The following CD226 variants were observed in gnomAD, a reference collection of about 807,000 sequenced individuals.
The protein encoded by CD226 is CD226 molecule, also known as CD226 antigen.
CD226 carries 24 observed loss-of-function variants against 34.9 expected under a neutral mutation model. That is an observed-to-expected ratio of 0.69 (90% CI 0.50 to 0.97). The LOEUF is 0.97. Among genes scored for constraint, CD226 ranks in the 50% least tolerant of loss-of-function variants. The pLI, the probability that CD226 is intolerant of heterozygous loss-of-function variation, is 0.00. For missense variants in CD226, 397 were observed against 412.7 expected, an observed-to-expected ratio of 0.96 and a Z score of 0.33; for synonymous variants, 148 against 147.4, an observed-to-expected ratio of 1.00 and a Z score of -0.03.
intron 3 of CD226, among the ~76,000 whole-genome samples, chr18:69,889,000 T>C (rs1984726531): frequency 6.6e-6 from 1 of 152,072 alleles, no homozygotes; most frequent in Non-Finnish European, 1.5e-5. Context: ...TACTAGGGCT[T>C]ACAAAACAAA....
At chr18:69,876,690 G>A (rs1329877635) in intron 3 of CD226, among the ~76,000 whole-genome samples, 2 of 152,078 alleles carry the variant, frequency 1.3e-5, no homozygotes, top group Non-Finnish European at 2.9e-5. Context: ...TTCCCCCACA[G>A]TAACAGGCAC....
Position 69,947,013 on chromosome 18 carries a change from G to A in CD226, c.103C>T (p.Leu35=). The A allele has an allele frequency of 5.6e-6, 9 of 1,614,140 alleles. No homozygotes were observed. Among genetic ancestry groups the A allele is most frequent in the Non-Finnish European group, 7.6e-6 (9 of 1,180,022 alleles). ...CCCATTGATGGATACACACATTCTA[G>A]AGACATGTTCTCGGCAAAGGGAACT... ...TSVPFAENMS[L]ECVYPSMGIL... Residue 35 remains leucine (L), a synonymous_variant, in exon 2 of 6, where the codon CTA becomes TTA. Coordinates refer to ENST00000582621, the MANE Select transcript of CD226 (RefSeq NM_001303618.2).
chr18:69,934,950 A>T (rs528463920), intron 2 of CD226, among the ~76,000 whole-genome samples: 2 of 152,206 alleles, frequency 1.3e-5, no homozygotes, highest in South Asian at 4.1e-4. Context: ...TCTCCACGGA[A>T]AGAAAAAGCC....
intron 3 of CD226, among the ~76,000 whole-genome samples, chr18:69,880,279 G>A (rs1425544737): frequency 3.5e-5 from 5 of 142,022 alleles, no homozygotes; most frequent in African/African-American, 1.3e-4. Flanking sequence ...GGGGAGGGAA[G>A]GGAAGGGAAG....
intron 3 of CD226, among the ~76,000 whole-genome samples, chr18:69,880,203 AAGGC>A (rs60681359): frequency 0.44 from 64,980 of 146,216 alleles, 14,889 homozygotes; most frequent in Middle Eastern, 0.61. Flanking sequence ...GCGGGGGAGG[AAGGC>A]AGGCAGGCAG....
chr18:69,860,112 T>C lies in CD226; in HGVS notation c.*4202A>G, dbSNP rs529572305. 6.6e-6 allele frequency: 1 copy of C among 152,278 alleles called. No individual in the cohort carries two copies. Among genetic ancestry groups the C allele is most frequent in the South Asian group, 2.1e-4 (1 of 4,824 alleles). 9.4% of individuals were successfully genotyped at this position (152,278 alleles called of 1,614,324 possible). ...AAAATAAAATACAAAGAACATTGCA[T>C]TGAGATAAAAATTACAATGTATCAT... is the stretch of plus-strand genomic sequence containing the variant. On this transcript the variant is annotated 3_prime_UTR_variant, in exon 6 of 6. Coordinates refer to ENST00000582621, the MANE Select transcript of CD226 (RefSeq NM_001303618.2).
chr18:69,894,052 G>A (rs1402817562), intron 3 of CD226, among the ~76,000 whole-genome samples: 1 of 151,670 alleles, frequency 6.6e-6, no homozygotes, highest in Admixed American at 6.6e-5. Context: ...CTGAAAGCAT[G>A]TGGAAGGGAG....
At chr18:69,948,274 A>G (rs1004848659), upstream of CD226, among the ~76,000 whole-genome samples, 2 of 152,102 alleles carry the variant, frequency 1.3e-5, no homozygotes, top group African/African-American at 4.8e-5. Flanking sequence ...ATTCTTAAGA[A>G]CTTGTTAGGT....
intron 3 of CD226, among the ~76,000 whole-genome samples, chr18:69,890,680 G>A (rs1422642181): frequency 6.6e-6 from 1 of 152,120 alleles, no homozygotes; most frequent in Non-Finnish European, 1.5e-5. Flanking sequence ...AAAGGAGAAA[G>A]TAGGAAAGTG....
At chr18:69,892,338 G>C (rs1984952675) in intron 3 of CD226, among the ~76,000 whole-genome samples, 1 of 152,050 alleles carries the variant, frequency 6.6e-6, no homozygotes, top group Non-Finnish European at 1.5e-5. Context: ...TATTTTAGTG[G>C]CACCTAAAAT....
intron 2 of CD226, among the ~76,000 whole-genome samples, chr18:69,910,637 G>A (rs551748367): frequency 6.6e-6 from 1 of 152,194 alleles, no homozygotes; most frequent in East Asian, 1.9e-4. Flanking sequence ...TAATCACTTT[G>A]GATCCAAATA....
chr18:69,879,839 A>G (rs1450368001), intron 3 of CD226, among the ~76,000 whole-genome samples: 2 of 152,232 alleles, frequency 1.3e-5, no homozygotes, highest in African/African-American at 4.8e-5. Context: ...GACTTCCCAC[A>G]GCACCATTTC....
intron 3 of CD226, among the ~76,000 whole-genome samples, chr18:69,888,306 A>C (rs1984680616): frequency 6.6e-6 from 1 of 152,228 alleles, no homozygotes; most frequent in Admixed American, 6.5e-5. Flanking sequence ...GTGCTTTTAG[A>C]ATGTAAATTC....
At chr18:69,869,046 G>A (rs1325613941) in intron 4 of CD226, among the ~76,000 whole-genome samples, 3 of 152,284 alleles carry the variant, frequency 2.0e-5, no homozygotes, top group East Asian at 3.9e-4. Flanking sequence ...ACACTTTTAC[G>A]CTGTTGGTGG....
chr18:69,914,209 C>T (rs757660655), intron 2 of CD226, among the ~76,000 whole-genome samples: 1 of 152,182 alleles, frequency 6.6e-6, no homozygotes, highest in Admixed American at 6.5e-5. Context: ...TCAGATCACA[C>T]CTGCAAAACT....
intron 3 of CD226, among the ~76,000 whole-genome samples, chr18:69,888,917 T>C (rs1208678952): frequency 6.6e-6 from 1 of 152,134 alleles, no homozygotes; most frequent in African/African-American, 2.4e-5. Context: ...ATCTATACAA[T>C]AATAGTATGT....
At chr18:69,925,822 G>A (rs1273065306) in intron 2 of CD226, among the ~76,000 whole-genome samples, 1 of 152,132 alleles carries the variant, frequency 6.6e-6, no homozygotes, top group Non-Finnish European at 1.5e-5. Context: ...CTTATGGTGA[G>A]TATGCACTTC....
Position 69,889,558 on chromosome 18 carries a change from TG to T in CD226, c.727+6142del, listed in dbSNP as rs1249002293. 3.9e-5 allele frequency among the ~76,000 whole-genome samples: 6 copies of T among 152,008 alleles called. No homozygotes were observed. In the East Asian group the frequency reaches 1.2e-3, roughly 29 times the overall value. On this transcript the variant is annotated intron_variant, in intron 3 of 5. Transcript: ENST00000582621. ...GAATCCAAATGGACTGGGAGCAAAC[TG>T]GTTGGTTTTTGACAGAAATAAAAGG...
upstream of CD226, among the ~76,000 whole-genome samples, chr18:69,951,628 CAAAATGGTATT>C (rs1039455998): frequency 3.9e-5 from 6 of 151,932 alleles, no homozygotes; most frequent in African/African-American, 1.5e-4. Flanking sequence ...CCTGAATAGC[CAAAATGGTATT>C]AAAAAAGAAG....
Sources: gnomAD v4.1 joint callset for allele counts (sites outside exome capture counted in the v4.1 genomes callset) on GRCh38, gnomAD v4.1.1 for gene constraint, MANE v1.5 for transcripts, NCBI Gene and HGNC (gene_info 2026-07-23, HGNC 2026-07-21) for gene names.